The following MTARC2 variants were observed in gnomAD, a reference collection of about 807,000 sequenced individuals.
The protein encoded by MTARC2 is mitochondrial amidoxime reducing component 2.
A neutral mutation model predicts 35.6 loss-of-function variants in MTARC2; 27 were observed. The observed-to-expected ratio is 0.76, with a 90% CI of 0.56 to 1.04. The LOEUF (loss-of-function observed/expected upper bound fraction) is 1.04. Among genes scored for constraint, MTARC2 ranks in the 50% least tolerant of loss-of-function variants. The pLI, the probability that MTARC2 is intolerant of heterozygous loss-of-function variation, is 0.00. For synonymous variants in MTARC2, 158 were observed against 167.1 expected, an observed-to-expected ratio of 0.95 and a Z score of 0.42; for missense variants, 412 against 432.5, an observed-to-expected ratio of 0.95 and a Z score of 0.42.
chr1:220,768,405 C>T (rs1045255081), intron 4 of MTARC2, among the ~76,000 whole-genome samples: 1 of 151,974 alleles, frequency 6.6e-6, no homozygotes, highest in Non-Finnish European at 1.5e-5. Flanking sequence ...GCCATTGAGG[C>T]GGGTAGTGTT....
intron 2 of MTARC2, among the ~76,000 whole-genome samples, chr1:220,755,810 C>T (rs780504635): frequency 6.6e-6 from 1 of 152,130 alleles, no homozygotes; most frequent in Non-Finnish European, 1.5e-5. Flanking sequence ...GATGTCAAAG[C>T]GTAAAACATG....
intron 3 of MTARC2, among the ~76,000 whole-genome samples, chr1:220,762,319 A>G (rs930951434): frequency 2.0e-5 from 3 of 152,214 alleles, no homozygotes; most frequent in Non-Finnish European, 4.4e-5. Flanking sequence ...ATTATCAGAT[A>G]ATACAGAGTG....
At chr1:220,755,237 C>A in intron 2 of MTARC2, 117 bp downstream of exon 2, 2 of 1,139,578 alleles carry the variant, frequency 1.8e-6, no homozygotes, top group Non-Finnish European at 2.4e-6. Flanking sequence ...GTAAAGGAAA[C>A]ATTTAAGAGA....
intron 7 of MTARC2, among the ~76,000 whole-genome samples, chr1:220,782,931 CA>C: frequency 6.6e-6 from 1 of 152,290 alleles, no homozygotes; most frequent in Middle Eastern, 3.4e-3. Context: ...CGCTGCAACA[CA>C]AATAAAGTGC....
intron 1 of MTARC2, among the ~76,000 whole-genome samples, chr1:220,753,050 TAAAAAAAA>T (rs747375341): frequency 9.4e-6 from 1 of 106,898 alleles, no homozygotes; most frequent in Non-Finnish European, 1.9e-5. Flanking sequence ...CTGTCTCTAC[TAAAAAAAA>T]AAAAAAAAAA....
intron 1 of MTARC2, among the ~76,000 whole-genome samples, chr1:220,753,234 AAAG>A (rs1671178141): frequency 1.3e-5 from 2 of 152,030 alleles, no homozygotes; most frequent in African/African-American, 2.4e-5. Context: ...TCTCAGAAAA[AAAG>A]AAAAAAAAAA....
intron 4 of MTARC2, among the ~76,000 whole-genome samples, chr1:220,774,327 T>A (rs1272398207): frequency 2.0e-5 from 3 of 152,148 alleles, no homozygotes; most frequent in Non-Finnish European, 4.4e-5. Flanking sequence ...TGCACATATG[T>A]CCCATGTATA....
chr1:220,770,822 T>C (rs370808488), intron 4 of MTARC2, among the ~76,000 whole-genome samples: 1 of 152,222 alleles, frequency 6.6e-6, no homozygotes, highest in Non-Finnish European at 1.5e-5. Context: ...TAACCTCCCC[T>C]GAGAGGAAAC....
chr1:220,779,152 C>T (rs185295879), intron 4 of MTARC2, among the ~76,000 whole-genome samples: 119 of 152,226 alleles, frequency 7.8e-4, no homozygotes, highest in Non-Finnish European at 1.5e-3. Context: ...ACAATATAAT[C>T]CATATAACCA....
chr1:220,770,584 T>A lies in MTARC2; in HGVS notation c.750+7534T>A, dbSNP rs74139902. The A allele has an allele frequency of 4.6e-3, 4,521 of 984,108 alleles. 173 individuals carry two copies. The African/African-American group carries it at 0.073, about 16-fold the overall frequency. 61.0% of individuals were successfully genotyped at this position (984,108 alleles called of 1,614,324 possible). On this transcript the variant is annotated intron_variant, in intron 4 of 7. Transcript: ENST00000366913. ...AAGGCAGGATTGATCTCAGAGACCA[T>A]GACCCCCCATACCTTTCTCTCGCTG...
chr1:220,765,740 C>T (rs1267643320), intron 4 of MTARC2, among the ~76,000 whole-genome samples: 1 of 152,130 alleles, frequency 6.6e-6, no homozygotes, highest in Admixed American at 6.5e-5. Flanking sequence ...GCCATCATGC[C>T]TGGCTAATTT....
At chr1:220,772,006 G>A (rs1671757354) in intron 4 of MTARC2, among the ~76,000 whole-genome samples, 1 of 152,180 alleles carries the variant, frequency 6.6e-6, no homozygotes, top group Non-Finnish European at 1.5e-5. Flanking sequence ...ATACAATATT[G>A]TAGAAATAGT....
At chr1:220,754,675 G>C (rs11807921) in intron 1 of MTARC2, among the ~76,000 whole-genome samples, 4,467 of 152,266 alleles carry the variant, frequency 0.029, 243 homozygotes, top group African/African-American at 0.1. Flanking sequence ...GAGAGTCTCT[G>C]AGCCAGGCTC....
Position 220,784,549 on chromosome 1 carries a change from C to T in MTARC2, c.*662C>T, listed in dbSNP as rs1393539097. The T allele has an allele frequency of 6.6e-6, 1 of 152,206 alleles. No homozygotes were observed. Among genetic ancestry groups the T allele is most frequent in the Non-Finnish European group, 1.5e-5 (1 of 68,082 alleles). 9.4% of individuals were successfully genotyped at this position (152,206 alleles called of 1,614,324 possible). A position where few individuals can be genotyped will look rare whatever the true frequency, so the allele number is the denominator to read the frequency against. On this transcript the variant is annotated 3_prime_UTR_variant, in exon 8 of 8. Transcript: ENST00000366913. The stretch of plus-strand genomic sequence containing the variant: ...ATAAAAGTAATCTGTTTGTGTGTAA[C>T]TGCCAGATATACCACCTGGAATTCC...
intron 1 of MTARC2, among the ~76,000 whole-genome samples, chr1:220,754,693 T>C (rs1420813638): frequency 6.6e-6 from 1 of 152,144 alleles, no homozygotes; most frequent in Non-Finnish European, 1.5e-5. Context: ...CTCATGTTCT[T>C]GTTTTTGAAA....
intron 1 of MTARC2, among the ~76,000 whole-genome samples, chr1:220,752,284 G>A (rs1671144117): frequency 6.6e-6 from 1 of 152,194 alleles, no homozygotes; most frequent in Admixed American, 6.5e-5. Flanking sequence ...GTTTGGACAT[G>A]GCTCTGGTTG....
intron 1 of MTARC2, chr1:220,754,508 A>C: frequency 4.5e-6 from 2 of 448,788 alleles, no homozygotes; most frequent in Non-Finnish European, 9.0e-6. Context: ...TCTCAGACTC[A>C]AACTCACTTG....
intron 1 of MTARC2, among the ~76,000 whole-genome samples, chr1:220,750,545 C>G (rs908665557): frequency 6.6e-6 from 1 of 152,178 alleles, no homozygotes; most frequent in African/African-American, 2.4e-5. Flanking sequence ...ATAAATACAA[C>G]TGTATTACCT....
chr1:220,773,615 C>T (rs2102564643), intron 4 of MTARC2, among the ~76,000 whole-genome samples: 1 of 152,210 alleles, frequency 6.6e-6, no homozygotes, highest in South Asian at 2.1e-4. Flanking sequence ...CCTAAGGGAT[C>T]TCTACTTGCT....
Sources: allele counts gnomAD v4.1 joint callset (sites outside exome capture counted in the v4.1 genomes callset), GRCh38; gene constraint gnomAD v4.1.1; transcripts MANE v1.5; gene names NCBI Gene and HGNC (gene_info 2026-07-23, HGNC 2026-07-21).